ANK3: variants seen among roughly 807,000 people sequenced by gnomAD.
The protein encoded by ANK3 is ankyrin-3.
A neutral mutation model predicts 370.9 loss-of-function variants in ANK3; 57 were observed. That is an observed-to-expected ratio of 0.15 (90% CI 0.12 to 0.19). The LOEUF (loss-of-function observed/expected upper bound fraction) is 0.19, where lower values mean the gene tolerates loss of function less well. ANK3 is among the 10% of genes least tolerant of loss of function. The pLI, the probability that ANK3 is intolerant of heterozygous loss-of-function variation, is 1.00. For synonymous variants in ANK3, 1,929 were observed against 1,946.3 expected, an observed-to-expected ratio of 0.99 and a Z score of 0.23; for missense variants, 4,439 against 5,302.1, an observed-to-expected ratio of 0.84 and a Z score of 5.06.
Position 60,368,280 on chromosome 10 carries a change from T to C in ANK3, c.114+21145A>G, listed in dbSNP as rs2059657296. Among the ~76,000 whole-genome samples, 3 of 152,182 alleles carry C rather than the reference T, an allele frequency of 2.0e-5. No homozygotes were observed. In the South Asian group the frequency reaches 6.2e-4, roughly 32 times the overall value. ...TCCAAGAAAAAGAACAAAAGTATTGTCTGGCTACCATGAGATCCAAATGAC... is the reference window on the plus strand; with the variant it reads ...TCCAAGAAAAAGAACAAAAGTATTGCCTGGCTACCATGAGATCCAAATGAC... On this transcript the variant is annotated intron_variant, in intron 1 of 43. Coordinates refer to ENST00000280772, the MANE Select transcript of ANK3 (RefSeq NM_020987.5).
upstream of ANK3, among the ~76,000 whole-genome samples, chr10:60,394,412 G>A (rs1237614770): frequency 3.3e-5 from 5 of 152,128 alleles, no homozygotes; most frequent in East Asian, 7.8e-4. Flanking sequence ...TGGCACCTCT[G>A]GATAACAAGC....
intron 7 of ANK3, 36 bp downstream of exon 7, chr10:60,261,823 A>G: frequency 6.3e-7 from 1 of 1,575,386 alleles, no homozygotes; most frequent in Non-Finnish European, 8.7e-7. Context: ...ATAGTTGCAA[A>G]TGCTTTAAAG....
At chr10:60,457,006 C>A (rs2064765163) in intron 2 of ANK3, among the ~76,000 whole-genome samples, 1 of 152,070 alleles carries the variant, frequency 6.6e-6, no homozygotes, top group Non-Finnish European at 1.5e-5. Context: ...AGTCTTCTGG[C>A]CAAAAGGTCA....
At chr10:60,266,365 G>T (rs1161106605) in intron 5 of ANK3, among the ~76,000 whole-genome samples, 1 of 152,016 alleles carries the variant, frequency 6.6e-6, no homozygotes, top group Non-Finnish European at 1.5e-5. Context: ...GCTTCTTATT[G>T]TACTTTCTCA....
At chr10:60,629,200 C>T (rs2078450471) in intron 1 of ANK3, among the ~76,000 whole-genome samples, 1 of 152,048 alleles carries the variant, frequency 6.6e-6, no homozygotes, top group African/African-American at 2.4e-5. Context: ...AAAACGTATG[C>T]TTATTTGACA....
At position 60,299,533 on chromosome 10, in the gene ANK3, T is replaced by C. The variant is rs185794014; in HGVS notation, c.115-19894A>G. Among the ~76,000 whole-genome samples the C allele has an allele frequency of 5.7e-3, 871 of 152,302 alleles. 5 individuals are homozygous for C. The highest frequency in any genetic ancestry group is 0.02 in the African/African-American group (836 of 41,562). On this transcript the variant is annotated intron_variant, in intron 1 of 43. Coordinates refer to ENST00000280772, the MANE Select transcript of ANK3 (RefSeq NM_020987.5). ...CAGAGTTAGATACACTGATGTTAAC[T>C]GTGTAACATCACACAGTTAGATGAA...
intron 2 of ANK3, among the ~76,000 whole-genome samples, chr10:60,565,350 C>T (rs1410237831): frequency 6.6e-6 from 1 of 152,172 alleles, no homozygotes; most frequent in Non-Finnish European, 1.5e-5. Flanking sequence ...TCAATGCTGT[C>T]TCTTATCTGA....
intron 1 of ANK3, among the ~76,000 whole-genome samples, chr10:60,291,363 G>A (rs1213417547): frequency 6.6e-6 from 1 of 152,112 alleles, no homozygotes; most frequent in Non-Finnish European, 1.5e-5. Context: ...TTTGCACCAG[G>A]CTATGGCCAA....
chr10:60,424,456 C>A (rs891215986), intron 2 of ANK3, among the ~76,000 whole-genome samples: 1 of 151,868 alleles, frequency 6.6e-6, no homozygotes, highest in African/African-American at 2.4e-5. Flanking sequence ...GAAGCTAGCT[C>A]CAAAATAAAA....
intron 1 of ANK3, among the ~76,000 whole-genome samples, chr10:60,339,041 T>A (rs1473718881): frequency 2.0e-5 from 3 of 152,076 alleles, no homozygotes; most frequent in African/African-American, 7.2e-5. Flanking sequence ...TGGAGTGAAA[T>A]AGAATGTGTG....
chr10:60,597,346 T>C (rs1174182143), intron 2 of ANK3, among the ~76,000 whole-genome samples: 2 of 152,230 alleles, frequency 1.3e-5, no homozygotes, highest in Non-Finnish European at 2.9e-5. Context: ...ATAACATGAA[T>C]GTAGCTTATG....
intron 23 of ANK3, among the ~76,000 whole-genome samples, chr10:60,158,760 C>G (rs1280662597): frequency 6.9e-6 from 1 of 145,190 alleles, no homozygotes; most frequent in African/African-American, 2.6e-5. Flanking sequence ...ACTGCAATCT[C>G]CGCCTTCCAG....
At chr10:60,054,266 C>T (rs1476511198) in intron 42 of ANK3, among the ~76,000 whole-genome samples, 1 of 152,116 alleles carries the variant, frequency 6.6e-6, no homozygotes, top group Non-Finnish European at 1.5e-5. Context: ...TAAAAGGAAA[C>T]TTATCCAAAA....
At chr10:60,188,130 T>G (rs2096391391) in intron 16 of ANK3, among the ~76,000 whole-genome samples, 1 of 152,240 alleles carries the variant, frequency 6.6e-6, no homozygotes, top group Non-Finnish European at 1.5e-5. Context: ...CTGCCATGTA[T>G]TAATTACATG....
At chr10:60,733,502 C>T (rs2080058292), upstream of ANK3, 2 of 468,498 alleles carry the variant, frequency 4.3e-6, no homozygotes. Context: ...TCCGCTGCGA[C>T]CGCCAGGTGC....
chr10:60,566,242 T>C (rs910789849), intron 2 of ANK3, among the ~76,000 whole-genome samples: 1 of 152,160 alleles, frequency 6.6e-6, no homozygotes, highest in African/African-American at 2.4e-5. Flanking sequence ...TCTCTCTCCA[T>C]CTACCTGGGC....
chr10:60,462,906 T>C lies in ANK3; in HGVS notation c.96+152280A>G, dbSNP rs74832266. Among the ~76,000 whole-genome samples, 468 of 152,090 alleles carry C rather than the reference T, an allele frequency of 3.1e-3. 4 individuals are homozygous for C. Among genetic ancestry groups the C allele is most frequent in the African/African-American group, 0.011 (456 of 41,488 alleles). ...CTAGGTTCTTTTTTAAAGTTTTATTTATTTTTTTATTCTTTGAGACAGGGT... is the reference window on the plus strand; with the variant it reads ...CTAGGTTCTTTTTTAAAGTTTTATTCATTTTTTTATTCTTTGAGACAGGGT... On this transcript the variant is annotated intron_variant, in intron 2 of 43. Transcript: ENST00000373827.
In ANK3 at chr10:60,026,888, G is replaced by GTCAA. The variant is rs2072429448; in HGVS notation, c.*2954_*2957dup. Reference sequence around the variant, plus strand: ...ATCATAATTCATTTTTTACAGTAATGTCAATCAATGAAAAGCTTAAATACA... The same window carrying GTCAA: ...ATCATAATTCATTTTTTACAGTAATGTCAATCAATCAATGAAAAGCTTAAATACA... On this transcript the variant is annotated 3_prime_UTR_variant, in exon 44 of 44. Coordinates refer to ENST00000280772, the MANE Select transcript of ANK3 (RefSeq NM_020987.5). 1 of 152,124 alleles carries GTCAA rather than the reference G, an allele frequency of 6.6e-6. No homozygotes were observed. Among genetic ancestry groups the GTCAA allele is most frequent in the East Asian group, 1.9e-4 (1 of 5,200 alleles). 9.4% of individuals were successfully genotyped at this position (152,124 alleles called of 1,614,324 possible). A position where few individuals can be genotyped will look rare whatever the true frequency, so the allele number is the denominator to read the frequency against.
chr10:60,406,562 G>T (rs1330887580), intron 2 of ANK3, among the ~76,000 whole-genome samples: 1 of 152,218 alleles, frequency 6.6e-6, no homozygotes, highest in Non-Finnish European at 1.5e-5. Context: ...CTGACAGGAG[G>T]TGAAGCATAG....
Sources: allele counts gnomAD v4.1 joint callset (sites outside exome capture counted in the v4.1 genomes callset), GRCh38; gene constraint gnomAD v4.1.1; transcripts MANE v1.5; gene names NCBI Gene and HGNC (gene_info 2026-07-23, HGNC 2026-07-21).